RAD51B: variants seen among roughly 807,000 people sequenced by gnomAD.
RAD51B encodes RAD51 paralog B.
Under a neutral mutation model 42.2 loss-of-function variants are expected in RAD51B, and 38 were observed. That is an observed-to-expected ratio of 0.90 (90% CI 0.70 to 1.18). The LOEUF (loss-of-function observed/expected upper bound fraction) is 1.18, where lower values mean the gene tolerates loss of function less well. RAD51B is among the 50% of genes most tolerant of loss of function. The pLI is 0.00. For synonymous variants in RAD51B, 154 were observed against 145.2 expected, an observed-to-expected ratio of 1.06 and a Z score of -0.43; for missense variants, 373 against 400.7, an observed-to-expected ratio of 0.93 and a Z score of 0.59.
chr14:67,947,653 G>A (rs1029812220), intron 7 of RAD51B, among the ~76,000 whole-genome samples: 6 of 152,274 alleles, frequency 3.9e-5, no homozygotes, highest in African/African-American at 9.6e-5. Context: ...GAAGGAGACT[G>A]TTTTGTTTGA....
At chr14:68,506,959 T>C (rs570692501) in intron 10 of RAD51B, among the ~76,000 whole-genome samples, 5 of 152,262 alleles carry the variant, frequency 3.3e-5, no homozygotes, top group South Asian at 2.1e-4. Flanking sequence ...CATTCAATGC[T>C]TGTGAAGTTC....
intron 7 of RAD51B, among the ~76,000 whole-genome samples, chr14:68,173,701 A>G (rs546867519): frequency 6.6e-6 from 1 of 152,338 alleles, no homozygotes; most frequent in East Asian, 1.9e-4. Context: ...AAGCAGCAGC[A>G]GACTATTAGG....
At chr14:68,099,209 C>T (rs1215503867) in intron 7 of RAD51B, among the ~76,000 whole-genome samples, 1 of 152,148 alleles carries the variant, frequency 6.6e-6, no homozygotes, top group African/African-American at 2.4e-5. Flanking sequence ...TATTTAGAGG[C>T]CCCTAACAGA....
chr14:68,127,859 T>C (rs902796902), intron 7 of RAD51B, among the ~76,000 whole-genome samples: 11 of 152,184 alleles, frequency 7.2e-5, no homozygotes, highest in African/African-American at 2.7e-4. Flanking sequence ...AGAGTTTTCA[T>C]TGTATCTCAT....
chr14:68,319,144 G>A (rs551071917), intron 8 of RAD51B, among the ~76,000 whole-genome samples: 1 of 152,140 alleles, frequency 6.6e-6, no homozygotes, highest in Non-Finnish European at 1.5e-5. Context: ...AAACGGAGGA[G>A]TTTTTGTTGT....
intron 7 of RAD51B, among the ~76,000 whole-genome samples, chr14:68,269,107 CT>C (rs869149146): frequency 6.6e-6 from 1 of 152,178 alleles, no homozygotes; most frequent in Non-Finnish European, 1.5e-5. Flanking sequence ...TATATAATTT[CT>C]TTTTTCCCCC....
intron 11 of RAD51B, among the ~76,000 whole-genome samples, chr14:68,666,858 T>C (rs1460794579): frequency 1.3e-5 from 2 of 152,286 alleles, no homozygotes; most frequent in Non-Finnish European, 2.9e-5. Context: ...ACCAACAGGA[T>C]CTCCCTCTAT....
intron 7 of RAD51B, among the ~76,000 whole-genome samples, chr14:68,078,972 A>G (rs961173719): frequency 2.0e-5 from 3 of 152,212 alleles, no homozygotes; most frequent in African/African-American, 7.2e-5. Context: ...CCTGGGCAAT[A>G]GAGCCAAGAC....
intron 7 of RAD51B, among the ~76,000 whole-genome samples, chr14:68,213,836 A>G (rs2079760014): frequency 6.6e-6 from 1 of 152,200 alleles, no homozygotes; most frequent in Admixed American, 6.5e-5. Context: ...GAAAAGAGAA[A>G]AACCAAAGAG....
Position 67,821,429 on chromosome 14 carries a change from C to T in RAD51B, c.-3+1576C>T, listed in dbSNP as rs563854673. On this transcript the variant is annotated intron_variant, in intron 1 of 10. Transcript: ENST00000471583. ...TGGCAGAATTGGTTGTTGTTAAAGT[C>T]CTTGTAGTTTAGAATTTATAGTTTT... Among the ~76,000 whole-genome samples the T allele has an allele frequency of 5.3e-5, 8 of 152,080 alleles. No homozygotes were observed. The East Asian group carries it at 1.5e-3, about 29-fold the overall frequency.
At position 67,865,131 on chromosome 14, in the gene RAD51B, T is replaced by C; in HGVS notation, c.444T>C (p.Ser148=). The part of the protein sequence containing the change: ...VVYIDTESAF[S]AERLVEIAES... ...ACATTGACACAGAGTCTGCATTTAG[T>C]GCTGAAAGGTATGAGATTTTATTTT... Residue 148 remains serine (S), a synonymous_variant, in exon 5 of 11, where the codon AGT becomes AGC. Transcript: ENST00000471583. 2 of 1,595,194 alleles carry C rather than the reference T, an allele frequency of 1.3e-6. No individual in the cohort carries two copies. Among genetic ancestry groups the C allele is most frequent in the Admixed American group, 1.8e-5 (1 of 56,264 alleles).
chr14:68,081,791 C>T (rs1302515142), intron 7 of RAD51B, among the ~76,000 whole-genome samples: 1 of 152,138 alleles, frequency 6.6e-6, no homozygotes, highest in Non-Finnish European at 1.5e-5. Context: ...GGCTCTGACC[C>T]CACGGCAGTG....
chr14:68,336,708 G>T (rs895735441), intron 8 of RAD51B, among the ~76,000 whole-genome samples: 8 of 152,082 alleles, frequency 5.3e-5, no homozygotes, highest in Non-Finnish European at 1.2e-4. Flanking sequence ...AGGTTTCTAG[G>T]ACCCAAATCA....
At chr14:67,850,360 A>G (rs1297181016) in intron 4 of RAD51B, among the ~76,000 whole-genome samples, 1 of 151,742 alleles carries the variant, frequency 6.6e-6, no homozygotes, top group African/African-American at 2.4e-5. Flanking sequence ...TTCTTGTATT[A>G]TTATTGTTTT....
intron 7 of RAD51B, among the ~76,000 whole-genome samples, chr14:68,137,249 T>C (rs2078030384): frequency 6.6e-6 from 1 of 152,138 alleles, no homozygotes; most frequent in African/African-American, 2.4e-5. Context: ...GCACTCCTGA[T>C]AGAAGGAAAA....
chr14:68,015,687 G>A (rs1300659050), intron 7 of RAD51B, among the ~76,000 whole-genome samples: 1 of 152,186 alleles, frequency 6.6e-6, no homozygotes, highest in Non-Finnish European at 1.5e-5. Flanking sequence ...CCCATGACAC[G>A]TGGGGATTAT....
exon 11 of RAD51B, chr14:68,611,291 A>G (rs1019861649): frequency 1.7e-5 from 12 of 700,044 alleles, no homozygotes; most frequent in Admixed American, 1.2e-4. Flanking sequence ...TACATTTAAC[A>G]TCCGACAGCA....
chr14:68,412,963 A>G (rs2084458688), intron 9 of RAD51B, among the ~76,000 whole-genome samples: 1 of 152,174 alleles, frequency 6.6e-6, no homozygotes, highest in Non-Finnish European at 1.5e-5. Flanking sequence ...GTTTTCATGG[A>G]TCCTTGATCC....
chr14:67,884,060 G>A (rs2042994432), intron 5 of RAD51B, among the ~76,000 whole-genome samples: 1 of 152,100 alleles, frequency 6.6e-6, no homozygotes, highest in Non-Finnish European at 1.5e-5. Flanking sequence ...ATGAATGTGA[G>A]GCATGTCGAA....
Sources: allele counts gnomAD v4.1 joint callset (sites outside exome capture counted in the v4.1 genomes callset), GRCh38; gene constraint gnomAD v4.1.1; transcripts MANE v1.5; gene names NCBI Gene and HGNC (gene_info 2026-07-23, HGNC 2026-07-21).